The following CCDC33 variants were observed in gnomAD, a reference collection of about 807,000 sequenced individuals.
CCDC33 encodes coiled-coil domain containing 33.
Under a neutral mutation model 91.9 loss-of-function variants are expected in CCDC33, and 94 were observed. That is an observed-to-expected ratio of 1.02 (90% CI 0.87 to 1.21). The LOEUF is 1.21. Ranked by LOEUF, CCDC33 falls within the 50% of genes most tolerant of loss-of-function variation. The probability of loss-of-function intolerance (pLI) is 0.00; values close to 1 mark genes in which losing one functional copy is unlikely to be tolerated. For synonymous variants in CCDC33, 396 were observed against 374.5 expected, an observed-to-expected ratio of 1.06 and a Z score of -0.66; for missense variants, 940 against 935.5, an observed-to-expected ratio of 1.00 and a Z score of -0.06.
rs747481706 is a variant in CCDC33, at chr15:74,332,862, C to A, written c.1938+17C>A. ...GCCCTGCCGGTAAGAGGCCCTTGAC[C>A]TGGGCCTGCCTATGCCGGTCACTGG... On this transcript the variant is annotated intron_variant, in intron 16 of 18. Transcript: ENST00000398814. 1 of 1,611,460 alleles carries A rather than the reference C, an allele frequency of 6.2e-7. No homozygotes were observed. The highest frequency in any genetic ancestry group is 8.5e-7 in the Non-Finnish European group (1 of 1,178,592).
intron 1 of CCDC33, chr15:74,207,983 G>T: frequency 1.4e-6 from 2 of 1,418,054 alleles, no homozygotes; most frequent in South Asian, 1.5e-5. Context: ...ATGTGGGAGG[G>T]TCAGAAGCAC....
At chr15:74,314,270 A>G (rs2060049550) in intron 11 of CCDC33, among the ~76,000 whole-genome samples, 1 of 152,236 alleles carries the variant, frequency 6.6e-6, no homozygotes, top group African/African-American at 2.4e-5. Flanking sequence ...ACTTGGGGAC[A>G]GAGACCCCAA....
intron 1 of CCDC33, among the ~76,000 whole-genome samples, chr15:74,205,376 A>T (rs1478847762): frequency 3.3e-5 from 5 of 152,190 alleles, no homozygotes; most frequent in Non-Finnish European, 2.9e-5. Context: ...CAGGAAACCC[A>T]CAATCGTGAT....
rs531098958 is a variant in CCDC33, at chr15:74,264,412, G to A, written c.319+1839G>A. On this transcript the variant is annotated intron_variant, in intron 3 of 18. Transcript: ENST00000398814. ...AGGAAGCTGATGAAGTGTGTTTGTA[G>A]CATGGAGACAGGAGCAGGGAGGAGT... Among the ~76,000 whole-genome samples the A allele has an allele frequency of 5.9e-5, 9 of 152,326 alleles. No individual in the cohort carries two copies. The East Asian group carries it at 1.7e-3, about 29-fold the overall frequency.
At chr15:74,323,681 C>A (rs555976804) in intron 11 of CCDC33, among the ~76,000 whole-genome samples, 1 of 152,262 alleles carries the variant, frequency 6.6e-6, no homozygotes, top group Non-Finnish European at 1.5e-5. Flanking sequence ...GCACCCGCCA[C>A]CACGCCCGGC....
chr15:74,243,125 C>T (rs1014109743), intron 1 of CCDC33, among the ~76,000 whole-genome samples: 4 of 152,218 alleles, frequency 2.6e-5, no homozygotes, highest in Non-Finnish European at 5.9e-5. Flanking sequence ...TGTAGGAAGC[C>T]CCCTGCATGG....
At chr15:74,259,114 G>A (rs1415890115) in intron 2 of CCDC33, among the ~76,000 whole-genome samples, 2 of 152,122 alleles carry the variant, frequency 1.3e-5, no homozygotes, top group Admixed American at 6.5e-5. Flanking sequence ...ATCTGGCCCC[G>A]AGACAGCAGG....
At chr15:74,281,979 C>CT (rs1195870630) in intron 10 of CCDC33, 130 bp downstream of exon 10, 4 of 736,652 alleles carry the variant, frequency 5.4e-6, no homozygotes, top group Non-Finnish European at 6.7e-6. Flanking sequence ...ATAGAAACGT[C>CT]TAAGGGTGAT....
intron 4 of CCDC33, 152 bp downstream of exon 4, chr15:74,266,939 G>C (rs1330596791): frequency 1.7e-6 from 1 of 576,486 alleles, no homozygotes; most frequent in Non-Finnish European, 3.1e-6. Context: ...CATGGCTCCT[G>C]GTACATACAC....
At chr15:74,226,738 G>T (rs1263682357) in intron 2 of CCDC33, among the ~76,000 whole-genome samples, 1 of 151,552 alleles carries the variant, frequency 6.6e-6, no homozygotes, top group African/African-American at 2.4e-5. Flanking sequence ...TGAGGCAGGA[G>T]AATCGCTTGA....
At chr15:74,233,350 G>A (rs867155604), upstream of CCDC33, among the ~76,000 whole-genome samples, 7 of 152,188 alleles carry the variant, frequency 4.6e-5, no homozygotes, top group African/African-American at 9.7e-5. Context: ...ACGCACCCTC[G>A]GCCCCAGTGG....
At chr15:74,329,922 TG>T in intron 11 of CCDC33, among the ~76,000 whole-genome samples, 1 of 152,324 alleles carries the variant, frequency 6.6e-6, no homozygotes. Flanking sequence ...TGTCCACACC[TG>T]GGGTTTCCCC....
chr15:74,203,222 A>T, intron 1 of CCDC33: 1 of 985,210 alleles, frequency 1.0e-6, no homozygotes, highest in Non-Finnish European at 1.2e-6. Flanking sequence ...TTTTGTTCCT[A>T]CAAGTTGATT....
chr15:74,245,858 G>A (rs2075512305), intron 2 of CCDC33, among the ~76,000 whole-genome samples: 1 of 152,202 alleles, frequency 6.6e-6, no homozygotes, highest in Non-Finnish European at 1.5e-5. Flanking sequence ...GCGTCCCAGG[G>A]CTCCAGACAG....
chr15:74,222,701 G>A (rs1483247168), intron 2 of CCDC33, among the ~76,000 whole-genome samples: 1 of 151,838 alleles, frequency 6.6e-6, no homozygotes, highest in African/African-American at 2.4e-5. Flanking sequence ...TTTCATTAAG[G>A]AGAAGTGGAG....
intron 10 of CCDC33, 37 bp downstream of exon 10, chr15:74,281,886 G>C: frequency 6.3e-7 from 1 of 1,577,068 alleles, no homozygotes; most frequent in Non-Finnish European, 8.7e-7. Flanking sequence ...AGGGCCAGCA[G>C]GCACATGTCA....
chr15:74,220,173 G>GGTTTA (rs2074552903), intron 2 of CCDC33, among the ~76,000 whole-genome samples: 4 of 152,276 alleles, frequency 2.6e-5, no homozygotes, highest in African/African-American at 9.6e-5. Context: ...CCAAGTGATA[G>GGTTTA]GGCAGCATGT....
chr15:74,242,015 G>T (rs1408316692), intron 1 of CCDC33, among the ~76,000 whole-genome samples: 1 of 152,198 alleles, frequency 6.6e-6, no homozygotes, highest in Non-Finnish European at 1.5e-5. Flanking sequence ...CTGTTGAGGG[G>T]GTGTGTGGCT....
intron 10 of CCDC33, among the ~76,000 whole-genome samples, chr15:74,294,204 A>G (rs943104298): frequency 5.9e-5 from 9 of 152,194 alleles, no homozygotes; most frequent in African/African-American, 2.2e-4. Context: ...TTTCTAGCAC[A>G]AGACTCCAGA....
Sources: gnomAD v4.1 joint callset for allele counts (sites outside exome capture counted in the v4.1 genomes callset) on GRCh38, gnomAD v4.1.1 for gene constraint, MANE v1.5 for transcripts, NCBI Gene and HGNC (gene_info 2026-07-23, HGNC 2026-07-21) for gene names.